CDH4: variants seen among roughly 807,000 people sequenced by gnomAD.
The protein encoded by CDH4 is cadherin-4.
A neutral mutation model predicts 86.0 loss-of-function variants in CDH4; 33 were observed. The observed-to-expected ratio is 0.38, with a 90% CI of 0.29 to 0.51. The LOEUF is 0.51. Ranked by LOEUF, CDH4 falls within the 20% of genes least tolerant of loss-of-function variation. The pLI, the probability that CDH4 is intolerant of heterozygous loss-of-function variation, is 0.86. For synonymous variants in CDH4, 555 were observed against 549.4 expected, an observed-to-expected ratio of 1.01 and a Z score of -0.14; for missense variants, 1,114 against 1,307.4, an observed-to-expected ratio of 0.85 and a Z score of 2.28.
At chr20:61,469,525 T>C (rs896986705) in intron 2 of CDH4, among the ~76,000 whole-genome samples, 4 of 152,202 alleles carry the variant, frequency 2.6e-5, no homozygotes, top group Admixed American at 2.0e-4. Context: ...GTTCACTTTG[T>C]TGATTGTTTC....
At chr20:61,469,300 G>C (rs972466976) in intron 2 of CDH4, among the ~76,000 whole-genome samples, 1 of 152,186 alleles carries the variant, frequency 6.6e-6, no homozygotes, top group Non-Finnish European at 1.5e-5. Context: ...TTGCATTTCT[G>C]TGATGAGCAG....
intron 4 of CDH4, among the ~76,000 whole-genome samples, chr20:61,790,940 A>T (rs904593310): frequency 6.6e-6 from 1 of 151,958 alleles, no homozygotes; most frequent in African/African-American, 2.4e-5. Flanking sequence ...CTCTCCATTC[A>T]TCCATTCATC....
intron 2 of CDH4, among the ~76,000 whole-genome samples, chr20:61,378,504 A>G (rs1467477937): frequency 6.6e-6 from 1 of 152,040 alleles, no homozygotes; most frequent in African/African-American, 2.4e-5. Flanking sequence ...GCTTGTGACC[A>G]CATCACTCTA....
chr20:61,439,480 G>A (rs978387011), intron 2 of CDH4, among the ~76,000 whole-genome samples: 1 of 152,214 alleles, frequency 6.6e-6, no homozygotes, highest in African/African-American at 2.4e-5. Context: ...ACATGTATGT[G>A]GCTAGTAGTG....
intron 7 of CDH4, among the ~76,000 whole-genome samples, chr20:61,881,094 TG>T (rs1262678339): frequency 6.6e-6 from 1 of 152,082 alleles, no homozygotes; most frequent in African/African-American, 2.4e-5. Context: ...CCCACCAGCA[TG>T]TAGGGTTCCT....
chr20:61,470,152 G>A (rs189384714), intron 2 of CDH4, among the ~76,000 whole-genome samples: 5 of 152,264 alleles, frequency 3.3e-5, no homozygotes, highest in East Asian at 1.9e-4. Context: ...GCTTTGGAAA[G>A]TATGGACACT....
intron 2 of CDH4, among the ~76,000 whole-genome samples, chr20:61,291,465 G>A (rs1009455790): frequency 4.6e-5 from 7 of 152,148 alleles, no homozygotes; most frequent in African/African-American, 7.2e-5. Flanking sequence ...GTGTGACCCC[G>A]GACAAGCTTC....
intron 2 of CDH4, among the ~76,000 whole-genome samples, chr20:61,337,242 G>C (rs549594863): frequency 3.1e-3 from 67 of 21,340 alleles, no homozygotes; most frequent in African/African-American, 0.01. Context: ...GGCAATGGTG[G>C]TGGTGAAGAT....
intron 2 of CDH4, among the ~76,000 whole-genome samples, chr20:61,565,571 C>T (rs2086291478): frequency 6.6e-6 from 1 of 152,006 alleles, no homozygotes; most frequent in South Asian, 2.1e-4. Flanking sequence ...CCCATGAGGT[C>T]CCATGCCATG....
chr20:61,348,161 A>C (rs2084690319), intron 2 of CDH4, among the ~76,000 whole-genome samples: 1 of 152,186 alleles, frequency 6.6e-6, no homozygotes, highest in African/African-American at 2.4e-5. Context: ...TTATAAAGGA[A>C]AGAGGTTTAA....
chr20:61,550,195 TG>T (rs776845228), intron 2 of CDH4, among the ~76,000 whole-genome samples: 42 of 138,440 alleles, frequency 3.0e-4, no homozygotes, highest in Non-Finnish European at 5.5e-4. Flanking sequence ...CCTGCTTCCC[TG>T]GCCTCCCTAG....
In CDH4 at chr20:61,392,771, C is replaced by T. The variant is rs529554721; in HGVS notation, c.169+137834C>T. ...TATTCATCAGAAACTCGGTATTGCACATTTATTTCCTAGCGGGGTAGAAAC... is the reference window on the plus strand; with the variant it reads ...TATTCATCAGAAACTCGGTATTGCATATTTATTTCCTAGCGGGGTAGAAAC... On this transcript the variant is annotated intron_variant, in intron 2 of 15. Coordinates refer to ENST00000614565, the MANE Select transcript of CDH4 (RefSeq NM_001794.5). This position sits in a 1 kb window ranked among gnomAD's most constrained non-coding sequence, Gnocchi z 5.7. Among the ~76,000 whole-genome samples the T allele has an allele frequency of 1.7e-4, 26 of 152,290 alleles. No homozygotes were observed. Among genetic ancestry groups the T allele is most frequent in the Admixed American group, 5.2e-4 (8 of 15,308 alleles).
chr20:61,427,826 A>G (rs1435446722), intron 2 of CDH4, among the ~76,000 whole-genome samples: 3 of 152,098 alleles, frequency 2.0e-5, no homozygotes, highest in Non-Finnish European at 4.4e-5. Flanking sequence ...TCCAGTTACC[A>G]TATGGTAGAG....
chr20:61,628,762 A>G (rs2086855782), intron 2 of CDH4, among the ~76,000 whole-genome samples: 1 of 152,184 alleles, frequency 6.6e-6, no homozygotes, highest in Non-Finnish European at 1.5e-5. Flanking sequence ...AAGAAGACAG[A>G]GCCTGCTCCC....
chr20:61,456,807 AT>A (rs1220622486), intron 2 of CDH4, among the ~76,000 whole-genome samples: 1 of 152,134 alleles, frequency 6.6e-6, no homozygotes, highest in Non-Finnish European at 1.5e-5. Context: ...CATTAGTATG[AT>A]TATATGTGCT....
At chr20:61,297,723 C>T (rs1201036565) in intron 2 of CDH4, among the ~76,000 whole-genome samples, 3 of 152,232 alleles carry the variant, frequency 2.0e-5, no homozygotes, top group African/African-American at 2.4e-5. Context: ...AGCGCACTTT[C>T]CTGCCCTCTC....
intron 13 of CDH4, among the ~76,000 whole-genome samples, chr20:61,932,780 C>G (rs1218831187): frequency 6.6e-6 from 1 of 152,264 alleles, no homozygotes; most frequent in East Asian, 1.9e-4. Context: ...GTGGGCCGCA[C>G]ATGTGCACAG....
At position 61,684,501 on chromosome 20, in the gene CDH4, TCTCCTGGCCGC is replaced by T. The variant is rs1329249110; in HGVS notation, c.170-59059_170-59049del. Reference sequence around the variant, plus strand: ...CCTGGGCAGAATTCGGAGGCAACCATCTCCTGGCCGCCTGTTCCATATCACACACAAGGTCC... The same window carrying T: ...CCTGGGCAGAATTCGGAGGCAACCATCTGTTCCATATCACACACAAGGTCC... On this transcript the variant is annotated intron_variant, in intron 2 of 15. Coordinates refer to ENST00000614565, the MANE Select transcript of CDH4 (RefSeq NM_001794.5). The surrounding 1 kb of genome is among the most constrained non-coding windows in gnomAD (Gnocchi z 4.5). 6.6e-6 allele frequency among the ~76,000 whole-genome samples: 1 copy of T among 152,180 alleles called. No homozygotes were observed. Among genetic ancestry groups the T allele is most frequent in the Non-Finnish European group, 1.5e-5 (1 of 68,026 alleles).
At chr20:61,428,830 T>C (rs907625519) in intron 2 of CDH4, among the ~76,000 whole-genome samples, 1 of 152,084 alleles carries the variant, frequency 6.6e-6, no homozygotes, top group South Asian at 2.1e-4. Flanking sequence ...GAGAGAGAGA[T>C]AGTGAGAGAG....
Sources: gnomAD v4.1 joint callset for allele counts (sites outside exome capture counted in the v4.1 genomes callset) on GRCh38, gnomAD v4.1.1 for gene constraint, Gnocchi (gnomAD v3.1) non-coding constraint, MANE v1.5 for transcripts, NCBI Gene and HGNC (gene_info 2026-07-23, HGNC 2026-07-21) for gene names.